OPRM1: variants seen among roughly 807,000 people sequenced by gnomAD.
OPRM1 encodes the protein opioid receptor mu 1.
Under a neutral mutation model 31.8 loss-of-function variants are expected in OPRM1, and 27 were observed. That is an observed-to-expected ratio of 0.85 (90% CI 0.63 to 1.17). OPRM1 has a LOEUF of 1.17. Ranked by LOEUF, OPRM1 falls within the 50% of genes most tolerant of loss-of-function variation. The pLI is 0.00. For missense variants in OPRM1, 536 were observed against 511.1 expected (o/e 1.05, Z -0.47); for synonymous variants, 196 against 189.9 (o/e 1.03, Z -0.26).
intron 3 of OPRM1, among the ~76,000 whole-genome samples, chr6:154,101,790 G>C (rs549045512): frequency 9.1e-4 from 139 of 152,138 alleles, no homozygotes; most frequent in African/African-American, 3.1e-3. Context: ...TTTTCAAATA[G>C]AGTTTAAGAA....
intron 1 of OPRM1, among the ~76,000 whole-genome samples, chr6:154,059,056 G>A (rs536603145): frequency 6.6e-6 from 1 of 152,118 alleles, no homozygotes; most frequent in East Asian, 1.9e-4. Context: ...GGTTCATTTG[G>A]ATGGCTGACA....
chr6:154,019,482 A>G (rs12214130), intron 1 of OPRM1, among the ~76,000 whole-genome samples: 9,979 of 152,100 alleles, frequency 0.066, 467 homozygotes, highest in African/African-American at 0.13. Context: ...ATATAAAGAC[A>G]TGCATTCACC....
chr6:154,075,547 G>A (rs1267121695), intron 1 of OPRM1, among the ~76,000 whole-genome samples: 5 of 151,684 alleles, frequency 3.3e-5, no homozygotes, highest in African/African-American at 9.7e-5. Context: ...CACCTCCCAG[G>A]TTCAAGCAAT....
intron 3 of OPRM1, chr6:154,107,361 A>G: frequency 3.1e-6 from 2 of 643,284 alleles, no homozygotes; most frequent in Admixed American, 2.7e-5. Context: ...ACCAAAGGCA[A>G]CCTCCTTGGT....
Position 154,198,260 on chromosome 6 carries a change from A to C in OPRM1, c.1165-48433A>C, listed in dbSNP as rs1275954286. 1.5e-4 allele frequency among the ~76,000 whole-genome samples: 23 copies of C among 152,164 alleles called. 1 individual carries two copies. On this transcript the variant is annotated intron_variant, in intron 3 of 3. Coordinates refer to the OPRM1 transcript ENST00000337049. ...CAATTCTGTGCTTCCAAGGAGATACAATTAAGCTCAATACTTTCACCAAAC... is the reference window on the plus strand; with the variant it reads ...CAATTCTGTGCTTCCAAGGAGATACCATTAAGCTCAATACTTTCACCAAAC...
intron 1 of OPRM1, among the ~76,000 whole-genome samples, chr6:154,080,475 C>T (rs1419495172): frequency 6.6e-6 from 1 of 152,224 alleles, no homozygotes; most frequent in Non-Finnish European, 1.5e-5. Context: ...AAATTTCCCA[C>T]AGATTGGCTT....
chr6:154,086,772 G>A (rs950971309), intron 1 of OPRM1: 3 of 985,362 alleles, frequency 3.0e-6, no homozygotes, highest in African/African-American at 3.5e-5. Context: ...AAGGTCTGCT[G>A]GGTAGGAAAG....
intron 3 of OPRM1, chr6:154,223,035 A>C: frequency 1.4e-6 from 1 of 724,368 alleles, no homozygotes; most frequent in Non-Finnish European, 2.4e-6. Flanking sequence ...GTAGGGTGCC[A>C]ACCCATAATG....
intron 3 of OPRM1, among the ~76,000 whole-genome samples, chr6:154,189,740 G>C (rs1801698359): frequency 6.6e-6 from 1 of 152,014 alleles, no homozygotes; most frequent in Non-Finnish European, 1.5e-5. Flanking sequence ...AGGCCGAGGT[G>C]GGTGGATCAC....
At chr6:154,069,668 ATTTATAC>A (rs1338270905) in intron 1 of OPRM1, among the ~76,000 whole-genome samples, 1 of 152,178 alleles carries the variant, frequency 6.6e-6, no homozygotes, top group Non-Finnish European at 1.5e-5. Context: ...CTTACTTTGA[ATTTATAC>A]TTTATCTGGT....
intron 1 of OPRM1, among the ~76,000 whole-genome samples, chr6:154,073,227 C>T (rs1787175882): frequency 6.6e-6 from 1 of 152,106 alleles, no homozygotes. Context: ...ACTGATGTTC[C>T]ATAATGAGGC....
chr6:154,185,836 G>C (rs1351644882), intron 3 of OPRM1, among the ~76,000 whole-genome samples: 2 of 152,150 alleles, frequency 1.3e-5, no homozygotes, highest in African/African-American at 4.8e-5. Flanking sequence ...ATTTGTGTTG[G>C]GCCACATTCA....
In OPRM1 at chr6:154,108,131, G is replaced by A; in HGVS notation, c.1165-10552G>A. The A allele has an allele frequency of 1.7e-5, 10 of 576,084 alleles. 1 individual carries two copies. Among genetic ancestry groups the A allele is most frequent in the South Asian group, 1.5e-4 (6 of 38,836 alleles). The allele number at this position is 576,084 out of a possible 1,614,324, so 35.7% of individuals were successfully genotyped here. A position where few individuals can be genotyped will look rare whatever the true frequency, so the allele number is the denominator to read the frequency against. On this transcript the variant is annotated intron_variant, in intron 3 of 3. Coordinates refer to ENST00000330432, the MANE Select transcript of OPRM1 (RefSeq NM_000914.5). ...TAGTGATCCGGCTTGCGGCACCATC[G>A]CCTACGGGCCAAGCTGCATCATAAA...
At chr6:154,179,561 G>A (rs1399380042) in intron 3 of OPRM1, among the ~76,000 whole-genome samples, 1 of 152,122 alleles carries the variant, frequency 6.6e-6, no homozygotes, top group Non-Finnish European at 1.5e-5. Context: ...TGTTTCCAAT[G>A]CAATTTTTAT....
At chr6:154,141,696 G>T (rs1002931275) in intron 3 of OPRM1, among the ~76,000 whole-genome samples, 7 of 152,224 alleles carry the variant, frequency 4.6e-5, no homozygotes, top group African/African-American at 1.7e-4. Context: ...CGCGAAGCGG[G>T]CAAAGGGCTT....
At chr6:154,234,726 G>A (rs983309469) in intron 3 of OPRM1, among the ~76,000 whole-genome samples, 2 of 152,106 alleles carry the variant, frequency 1.3e-5, no homozygotes, top group Non-Finnish European at 2.9e-5. Flanking sequence ...AGAGGGAAAG[G>A]GCTCTGAAGT....
chr6:154,090,968 A>G lies in OPRM1; in HGVS notation c.660A>G (p.Thr220=). The G allele has an allele frequency of 1.9e-6, 3 of 1,613,592 alleles. No homozygotes were observed. The highest frequency in any genetic ancestry group is 1.3e-5 in the African/African-American group (1 of 74,994). Residue 220 remains threonine, a synonymous_variant, in exon 3 of 4, where the codon ACA becomes ACG. Coordinates refer to ENST00000330432, the MANE Select transcript of OPRM1 (RefSeq NM_000914.5). The stretch of plus-strand genomic sequence containing the variant: ...TTCTTCTAGGTTCCATAGATTGTAC[A>G]CTAACATTCTCTCATCCAACCTGGT... ...TKYRQGSIDC[T]LTFSHPTWYW...
intron 3 of OPRM1, among the ~76,000 whole-genome samples, chr6:154,193,765 G>A (rs1802142015): frequency 6.6e-6 from 1 of 152,204 alleles, no homozygotes; most frequent in Admixed American, 6.5e-5. Context: ...AGAGGCCTGT[G>A]ACAGGTCACT....
chr6:154,090,861 C>T (rs1268540975), intron 2 of OPRM1, 91 bp from the exon 3 acceptor site: 2 of 1,186,008 alleles, frequency 1.7e-6, no homozygotes, highest in African/African-American at 3.1e-5. Flanking sequence ...CTGGTCAAGG[C>T]TAAAAATGAA....
Sources: gnomAD v4.1 joint callset for allele counts (sites outside exome capture counted in the v4.1 genomes callset) on GRCh38, gnomAD v4.1.1 for gene constraint, MANE v1.5 for transcripts, NCBI Gene and HGNC (gene_info 2026-07-23, HGNC 2026-07-21) for gene names.